Variants in ZFHX3 observed in about 807,000 individuals in gnomAD.
The protein encoded by ZFHX3 is zinc finger homeobox protein 3.
Under a neutral mutation model 279.1 loss-of-function variants are expected in ZFHX3, and 42 were observed. The ratio of observed to expected loss-of-function variants is 0.15; its 90% CI spans 0.12 to 0.19. The LOEUF is 0.19. Among genes scored for constraint, ZFHX3 ranks in the 10% least tolerant of loss-of-function variants. The pLI is 1.00. For missense variants in ZFHX3, 4,981 were observed against 4,754.0 expected, an observed-to-expected ratio of 1.05 and a Z score of -1.40; for synonymous variants, 2,293 against 1,957.8, an observed-to-expected ratio of 1.17 and a Z score of -4.52.
intron 7 of ZFHX3, among the ~76,000 whole-genome samples, chr16:73,112,424 T>G (rs757911294): frequency 6.6e-6 from 1 of 151,798 alleles, no homozygotes; most frequent in Non-Finnish European, 1.5e-5. Flanking sequence ...TAAAAAAATT[T>G]TAAAAAGGCC....
chr16:72,976,976 A>C (rs1482085920), intron 1 of ZFHX3, among the ~76,000 whole-genome samples: 11 of 152,142 alleles, frequency 7.2e-5, no homozygotes, highest in Non-Finnish European at 1.6e-4. Context: ...TTTTAGGTTG[A>C]CCATTTCCTG....
At chr16:73,787,587 A>G (rs1959685643) in intron 1 of ZFHX3, among the ~76,000 whole-genome samples, 1 of 152,176 alleles carries the variant, frequency 6.6e-6, no homozygotes, top group Non-Finnish European at 1.5e-5. Context: ...GCATTTGTTT[A>G]GTCCTAGGAA....
At chr16:73,615,120 T>G (rs148075473) in intron 2 of ZFHX3, among the ~76,000 whole-genome samples, 1 of 147,952 alleles carries the variant, frequency 6.8e-6, no homozygotes, top group Non-Finnish European at 1.5e-5. Flanking sequence ...CTAAACAACA[T>G]GTTCAAGAGA....
intron 4 of ZFHX3, among the ~76,000 whole-genome samples, chr16:72,849,219 G>A (rs977633451): frequency 1.4e-4 from 21 of 152,110 alleles, no homozygotes; most frequent in African/African-American, 5.1e-4. Context: ...GGAATGACCC[G>A]GGAACTCAGT....
Position 72,795,077 on chromosome 16 carries a change from A to G in ZFHX3, c.7605T>C (p.Cys2535=). The G allele has an allele frequency of 6.2e-7, 1 of 1,614,126 alleles. No individual in the cohort carries two copies. The highest frequency in any genetic ancestry group is 2.2e-5 in the East Asian group (1 of 44,862). The change falls in exon 9 of 10, where the codon TGT becomes TGC. Residue 2535 remains cysteine (C), a synonymous_variant. Transcript: ENST00000268489. ...PQLIPYQCDQ[C]KLAFPSFEHW... is the part of the protein sequence containing the mutation. Reference sequence around the variant, plus strand: ...GCTCAAATGACGGAAATGCCAACTTACACTGGTCACACTGGTAGGGGATTA... The same window carrying G: ...GCTCAAATGACGGAAATGCCAACTTGCACTGGTCACACTGGTAGGGGATTA...
intron 1 of ZFHX3, among the ~76,000 whole-genome samples, chr16:73,883,105 GT>G (rs995381869): frequency 6.6e-6 from 1 of 151,946 alleles, no homozygotes; most frequent in Admixed American, 6.6e-5. Context: ...GATATTTGTG[GT>G]TTTTTGGTTG....
chr16:73,119,925 T>G (rs1966476625), intron 7 of ZFHX3, among the ~76,000 whole-genome samples: 1 of 152,164 alleles, frequency 6.6e-6, no homozygotes, highest in Admixed American at 6.5e-5. Flanking sequence ...AAAAAAACCT[T>G]TGTTTTGCTT....
At chr16:73,541,250 C>T (rs2020005921) in intron 2 of ZFHX3, among the ~76,000 whole-genome samples, 1 of 152,122 alleles carries the variant, frequency 6.6e-6, no homozygotes. Flanking sequence ...TTTGGGAGGC[C>T]AAGGCGGGAG....
At chr16:73,776,919 G>A (rs1443301410) in intron 1 of ZFHX3, among the ~76,000 whole-genome samples, 3 of 151,968 alleles carry the variant, frequency 2.0e-5, no homozygotes, top group African/African-American at 7.3e-5. Context: ...AATATTATCA[G>A]ATTTACATCC....
chr16:73,459,744 A>AT (rs1016186020), intron 2 of ZFHX3, among the ~76,000 whole-genome samples: 1 of 152,092 alleles, frequency 6.6e-6, no homozygotes, highest in African/African-American at 2.4e-5. Flanking sequence ...GGCAGGAGAT[A>AT]AAGGGGAAGC....
intron 2 of ZFHX3, among the ~76,000 whole-genome samples, chr16:73,605,711 A>G (rs1022987986): frequency 6.6e-6 from 1 of 151,978 alleles, no homozygotes; most frequent in Admixed American, 6.6e-5. Context: ...GCTGGAGAGA[A>G]AGAATGATGT....
At chr16:73,548,456 G>C (rs971771615) in intron 2 of ZFHX3, among the ~76,000 whole-genome samples, 2 of 149,504 alleles carry the variant, frequency 1.3e-5, no homozygotes, top group African/African-American at 4.9e-5. Context: ...TTGACACTTT[G>C]GGTGTTTAGC....
intron 3 of ZFHX3, among the ~76,000 whole-genome samples, chr16:72,921,629 C>T (rs1051369654): frequency 6.6e-6 from 1 of 152,220 alleles, no homozygotes; most frequent in African/African-American, 2.4e-5. Flanking sequence ...GGCGTGGCCT[C>T]GCCTTCCCCC....
chr16:72,908,165 G>T (rs2039231165), intron 3 of ZFHX3, among the ~76,000 whole-genome samples: 2 of 152,174 alleles, frequency 1.3e-5, no homozygotes, highest in Admixed American at 1.3e-4. Flanking sequence ...GAGACTGGAA[G>T]GTTCCTGAGG....
chr16:72,784,331 A>C lies in ZFHX3; in HGVS notation c.*2833T>G, dbSNP rs2035258237. 6.6e-6 allele frequency: 1 copy of C among 151,604 alleles called. No individual in the cohort carries two copies. Among genetic ancestry groups the C allele is most frequent in the African/African-American group, 2.4e-5 (1 of 41,236 alleles). The allele number at this position is 151,604 out of a possible 1,614,324, so 9.4% of individuals were successfully genotyped here. Reference sequence around the variant, plus strand: ...CAAAATTATAAAGAAAAGAACTTAAAAGTTGAGGGGGGAGGGAAAAGGATA... The same window carrying C: ...CAAAATTATAAAGAAAAGAACTTAACAGTTGAGGGGGGAGGGAAAAGGATA... On this transcript the variant is annotated 3_prime_UTR_variant, in exon 10 of 10. Coordinates refer to ENST00000268489, the MANE Select transcript of ZFHX3 (RefSeq NM_006885.4).
intron 2 of ZFHX3, among the ~76,000 whole-genome samples, chr16:72,954,935 C>T (rs73592716): frequency 0.026 from 3,940 of 152,306 alleles, 77 homozygotes; most frequent in Middle Eastern, 0.085. Context: ...CTGCAGAACT[C>T]AGTCACATCT....
intron 3 of ZFHX3, among the ~76,000 whole-genome samples, chr16:72,922,949 G>A (rs574173259): frequency 6.6e-6 from 1 of 152,062 alleles, no homozygotes; most frequent in South Asian, 2.1e-4. Context: ...GTCCATATAT[G>A]GTAAAGCTGC....
At chr16:73,604,941 TCTG>T (rs1160327911) in intron 2 of ZFHX3, among the ~76,000 whole-genome samples, 1 of 152,108 alleles carries the variant, frequency 6.6e-6, no homozygotes, top group Non-Finnish European at 1.5e-5. Context: ...CTATGTGTTT[TCTG>T]TTCTTTTAAA....
chr16:72,827,677 G>A (rs1418020602), intron 5 of ZFHX3, among the ~76,000 whole-genome samples: 1 of 152,208 alleles, frequency 6.6e-6, no homozygotes. Flanking sequence ...CCCCACAGGA[G>A]GATACGTCCC....
Sources: gnomAD v4.1 joint callset for allele counts (sites outside exome capture counted in the v4.1 genomes callset) on GRCh38, gnomAD v4.1.1 for gene constraint, MANE v1.5 for transcripts, NCBI Gene and HGNC (gene_info 2026-07-23, HGNC 2026-07-21) for gene names.